The following CNNM1 variants were observed in gnomAD, a reference collection of about 807,000 sequenced individuals.
CNNM1 encodes the protein cyclin and CBS domain divalent metal cation transport mediator 1.
In CNNM1, 44 loss-of-function variants were observed where a neutral mutation model predicts 78.8. The ratio of observed to expected loss-of-function variants is 0.56; its 90% CI spans 0.44 to 0.72. The LOEUF (loss-of-function observed/expected upper bound fraction) is 0.72, where lower values mean the gene tolerates loss of function less well. Ranked by LOEUF, CNNM1 falls within the 30% of genes least tolerant of loss-of-function variation. The pLI is 0.00. For synonymous variants in CNNM1, 584 were observed against 581.5 expected (o/e 1.00, Z -0.06); for missense variants, 1,101 against 1,292.2 (o/e 0.85, Z 2.27).
Position 99,361,298 on chromosome 10 carries a change from A to T in CNNM1, c.1858+323A>T, listed in dbSNP as rs558610289. 5.9e-5 allele frequency among the ~76,000 whole-genome samples: 9 copies of T among 152,288 alleles called. No individual in the cohort carries two copies. In the East Asian group the frequency reaches 1.5e-3, roughly 26 times the overall value. On this transcript the variant is annotated intron_variant, in intron 3 of 10. Coordinates refer to ENST00000356713, the MANE Select transcript of CNNM1 (RefSeq NM_020348.3). ...CCGAGGCCATCTCCCTGTCTGTTAGACTTGCAGTGCCCTAGAGCAGTGCCA... is the reference window on the plus strand; with the variant it reads ...CCGAGGCCATCTCCCTGTCTGTTAGTCTTGCAGTGCCCTAGAGCAGTGCCA...
rs779088416 is a variant in CNNM1, at chr10:99,329,987, C to T, written c.600C>T (p.Ala200=). The T allele has an allele frequency of 2.9e-6, 4 of 1,391,362 alleles. No individual in the cohort carries two copies. The highest frequency in any genetic ancestry group is 3.7e-6 in the Non-Finnish European group (4 of 1,084,388). 86.2% of individuals were successfully genotyped at this position (1,391,362 alleles called of 1,614,324 possible). Residue 200 remains alanine, a synonymous_variant, in exon 1 of 11, where the codon GCC becomes GCT. Transcript: ENST00000356713. ...GCGCGTGGCACCACCACGGCGCCGC[C>T]GGCGGCTTCCTGCTGCGCGTTCGCC... is the stretch of plus-strand genomic sequence containing the variant. ...DGRAWHHHGA[A]GGFLLRVRPR...
chr10:99,391,944 C>T lies in CNNM1; in HGVS notation c.*428C>T, dbSNP rs2032484452. On this transcript the variant is annotated 3_prime_UTR_variant, in exon 11 of 11. Transcript: ENST00000356713. Reference sequence around the variant, plus strand: ...TGTTAACTTTCTAACACATTTCATGCATAGCTTGGCTCAGAAGGTGCCATT... The same window carrying T: ...TGTTAACTTTCTAACACATTTCATGTATAGCTTGGCTCAGAAGGTGCCATT... 1 of 162,454 alleles carries T rather than the reference C, an allele frequency of 6.2e-6. No individual in the cohort carries two copies. The highest frequency in any genetic ancestry group is 5.8e-5 in the Admixed American group (1 of 17,204). 10.1% of individuals were successfully genotyped at this position (162,454 alleles called of 1,614,324 possible).
chr10:99,372,052 G>A (rs889945031), intron 6 of CNNM1, among the ~76,000 whole-genome samples: 1 of 152,168 alleles, frequency 6.6e-6, no homozygotes, highest in East Asian at 1.9e-4. Context: ...TCTGATTCCA[G>A]GATAGGGTTG....
intron 6 of CNNM1, chr10:99,368,663 C>G: frequency 1.6e-6 from 2 of 1,289,738 alleles, no homozygotes; most frequent in Non-Finnish European, 2.0e-6. Context: ...AGAGGGGACT[C>G]TCTGGCAGGC....
At chr10:99,362,143 C>T (rs2031454079) in intron 3 of CNNM1, 84 bp from the exon 4 acceptor site, 1 of 1,347,672 alleles carries the variant, frequency 7.4e-7, no homozygotes, top group Admixed American at 2.5e-5. Flanking sequence ...GTTGTGCCCA[C>T]TCTGACTCCT....
chr10:99,353,406 CA>C (rs2031018024), intron 1 of CNNM1, among the ~76,000 whole-genome samples: 1 of 152,126 alleles, frequency 6.6e-6, no homozygotes, highest in South Asian at 2.1e-4. Flanking sequence ...GTGTGCATAG[CA>C]ACAGGTAGCT....
intron 6 of CNNM1, among the ~76,000 whole-genome samples, chr10:99,376,026 C>T (rs1390062165): frequency 1.3e-5 from 2 of 152,214 alleles, no homozygotes; most frequent in Non-Finnish European, 2.9e-5. Flanking sequence ...AAGAACCTGG[C>T]TAAGCATTCA....
At chr10:99,357,451 C>G in intron 1 of CNNM1, 61 bp from the exon 2 acceptor site, 1 of 1,532,848 alleles carries the variant, frequency 6.5e-7, no homozygotes, top group South Asian at 1.3e-5. Flanking sequence ...TCATTTTTCT[C>G]ACAAAAAAAG....
intron 6 of CNNM1, among the ~76,000 whole-genome samples, chr10:99,367,695 A>G (rs2031667534): frequency 6.6e-6 from 1 of 152,246 alleles, no homozygotes; most frequent in Non-Finnish European, 1.5e-5. Context: ...GTAATTTCAA[A>G]TAAAATCATT....
rs958888617 is a variant in CNNM1 at position 99,393,593 on chromosome 10, A to T, written c.*2077A>T. ...GTTTCTGCAATGCAGAGTGAAGTGG[A>T]TACTGGGCAGTTCGAGACAGGTTTT... On this transcript the variant is annotated 3_prime_UTR_variant, in exon 11 of 11. Coordinates refer to ENST00000356713, the MANE Select transcript of CNNM1 (RefSeq NM_020348.3). The T allele has an allele frequency of 6.6e-6, 1 of 152,590 alleles. No individual in the cohort carries two copies. 9.5% of individuals were successfully genotyped at this position (152,590 alleles called of 1,614,324 possible).
intron 4 of CNNM1, among the ~76,000 whole-genome samples, 154 bp from the exon 5 acceptor site, chr10:99,364,263 C>T (rs1052018999): frequency 2.0e-5 from 3 of 152,196 alleles, no homozygotes; most frequent in African/African-American, 7.2e-5. Context: ...TGCTTTCTCA[C>T]ATGTAAATCT....
intron 1 of CNNM1, among the ~76,000 whole-genome samples, chr10:99,348,910 T>TAAAC (rs1316134204): frequency 4.9e-5 from 3 of 61,488 alleles, no homozygotes; most frequent in Non-Finnish European, 1.0e-4. Context: ...AACAAACAAA[T>TAAAC]AAACAAACAA....
At chr10:99,368,692 TG>T in intron 6 of CNNM1, 5 of 1,289,474 alleles carry the variant, frequency 3.9e-6, no homozygotes, top group Non-Finnish European at 5.1e-6. Context: ...TAAACATGCA[TG>T]GGTGTCTCGG....
At position 99,329,547 on chromosome 10, in the gene CNNM1, C is replaced by T. The variant is rs1341825604; in HGVS notation, c.160C>T (p.Arg54Cys). ...GCGGCCCGAGGACACTGCTGGAGGC[C>T]GCGTGTCCCTGGAGGGGGGCACCCT... ...GLRPEDTAGG[R>C]VSLEGGTLRA... The change falls in exon 1 of 11, where the codon CGC becomes TGC. Residue 54 changes from arginine to cysteine, a missense_variant. By Grantham distance (180) the Arg-to-Cys change is radical. Around this residue, in one of 3 missense-constraint regions of CNNM1, gnomAD observed 476 missense variants for 484.5 expected, o/e 0.98. Coordinates refer to ENST00000356713, the MANE Select transcript of CNNM1 (RefSeq NM_020348.3). The T allele has an allele frequency of 6.6e-7, 1 of 1,524,314 alleles. No homozygotes were observed. Among genetic ancestry groups the T allele is most frequent in the Admixed American group, 2.0e-5 (1 of 49,298 alleles). The allele number at this position is 1,524,314 out of a possible 1,614,324, so 94.4% of individuals were successfully genotyped here.
At chr10:99,379,184 A>G (rs2032064627) in intron 7 of CNNM1, among the ~76,000 whole-genome samples, 1 of 152,234 alleles carries the variant, frequency 6.6e-6, no homozygotes, top group African/African-American at 2.4e-5. Flanking sequence ...GATTCAACAA[A>G]TATTTAATGG....
chr10:99,344,088 T>C (rs887501904), intron 1 of CNNM1, among the ~76,000 whole-genome samples: 18 of 150,548 alleles, frequency 1.2e-4, no homozygotes, highest in African/African-American at 4.4e-4. Flanking sequence ...ATCCCAGCAC[T>C]TTGGGAGGCC....
At chr10:99,390,963 A>AC (rs2032455151) in intron 10 of CNNM1, among the ~76,000 whole-genome samples, 1 of 152,234 alleles carries the variant, frequency 6.6e-6, no homozygotes, top group Non-Finnish European at 1.5e-5. Flanking sequence ...AATTATGCCC[A>AC]CCTGCCCCAC....
At chr10:99,355,018 G>A (rs975294681) in intron 1 of CNNM1, among the ~76,000 whole-genome samples, 7 of 152,064 alleles carry the variant, frequency 4.6e-5, no homozygotes, top group Non-Finnish European at 2.9e-5. Flanking sequence ...CCGTCTTTCC[G>A]ATTTCGTTTC....
chr10:99,355,140 A>T (rs2031088369), intron 1 of CNNM1, among the ~76,000 whole-genome samples: 1 of 152,078 alleles, frequency 6.6e-6, no homozygotes, highest in Non-Finnish European at 1.5e-5. Flanking sequence ...ACTCCTCTTG[A>T]CTGATATTTT....
Sources: gnomAD v4.1 joint callset for allele counts (sites outside exome capture counted in the v4.1 genomes callset) on GRCh38, gnomAD v4.1.1 for gene constraint, gnomAD v4.1.1 regional missense constraint, MANE v1.5 for transcripts, NCBI Gene and HGNC (gene_info 2026-07-23, HGNC 2026-07-21) for gene names.